Variants in DPYD observed in about 807,000 individuals in gnomAD.
DPYD encodes the protein dihydropyrimidine dehydrogenase.
In DPYD, 109 loss-of-function variants were observed where a neutral mutation model predicts 116.2. The ratio of observed to expected loss-of-function variants is 0.94; its 90% CI spans 0.80 to 1.10. The LOEUF (loss-of-function observed/expected upper bound fraction) is 1.10, where lower values mean the gene tolerates loss of function less well. Ranked by LOEUF, DPYD falls within the 50% of genes least tolerant of loss-of-function variation. The pLI is 0.00. For missense variants in DPYD, 1,302 were observed against 1,254.5 expected (o/e 1.04, Z -0.57); for synonymous variants, 440 against 432.0 (o/e 1.02, Z -0.23).
chr1:97,803,039 C>T (rs1305886220), intron 3 of DPYD, among the ~76,000 whole-genome samples: 1 of 151,802 alleles, frequency 6.6e-6, no homozygotes, highest in Non-Finnish European at 1.5e-5. Flanking sequence ...AACATATTCT[C>T]TCAAACTGAA....
chr1:97,776,344 T>C (rs1315570451), intron 3 of DPYD, among the ~76,000 whole-genome samples: 1 of 152,196 alleles, frequency 6.6e-6, no homozygotes, highest in East Asian at 1.9e-4. Flanking sequence ...TCATGAACTG[T>C]GCTGAAGTCC....
chr1:97,901,902 T>C (rs1405109737), intron 1 of DPYD, among the ~76,000 whole-genome samples: 1 of 151,828 alleles, frequency 6.6e-6, no homozygotes, highest in Non-Finnish European at 1.5e-5. Flanking sequence ...GTAATGCTAC[T>C]TCCATTAAAA....
chr1:97,239,079 G>GA (rs1490945471), intron 18 of DPYD, among the ~76,000 whole-genome samples: 1 of 152,130 alleles, frequency 6.6e-6, no homozygotes, highest in Non-Finnish European at 1.5e-5. Flanking sequence ...TGGTGGACTA[G>GA]ACTGAACTGT....
At chr1:97,851,710 GAA>G (rs67006071) in intron 2 of DPYD, among the ~76,000 whole-genome samples, 61 of 143,776 alleles carry the variant, frequency 4.2e-4, no homozygotes, top group Middle Eastern at 3.5e-3. Flanking sequence ...CAGTAGCAAA[GAA>G]AAAAAAAAAA....
intron 18 of DPYD, among the ~76,000 whole-genome samples, chr1:97,287,522 G>T (rs1007589532): frequency 2.0e-5 from 3 of 152,188 alleles, no homozygotes; most frequent in Non-Finnish European, 2.9e-5. Context: ...TCTGTGCCCT[G>T]CCCCCAGAGG....
At chr1:97,504,646 G>T (rs979446464) in intron 13 of DPYD, among the ~76,000 whole-genome samples, 2 of 151,878 alleles carry the variant, frequency 1.3e-5, no homozygotes, top group Admixed American at 1.3e-4. Context: ...CTAAACAAAA[G>T]TATGTCTCCT....
chr1:97,398,865 G>A (rs1673174320), intron 14 of DPYD, among the ~76,000 whole-genome samples: 2 of 152,194 alleles, frequency 1.3e-5, no homozygotes, highest in Non-Finnish European at 2.9e-5. Context: ...CAGATGAGTA[G>A]ATTGCAAAAC....
intron 18 of DPYD, among the ~76,000 whole-genome samples, chr1:97,278,719 G>T (rs1460333875): frequency 6.6e-6 from 1 of 152,172 alleles, no homozygotes; most frequent in Non-Finnish European, 1.5e-5. Context: ...AAAGTTTTCT[G>T]TTATGTAGTA....
chr1:97,393,447 C>T (rs1284469195), intron 14 of DPYD, among the ~76,000 whole-genome samples: 7 of 151,892 alleles, frequency 4.6e-5, no homozygotes, highest in Non-Finnish European at 7.4e-5. Context: ...TCCCCACTCC[C>T]CCCACCCCAC....
At chr1:97,438,760 G>A (rs1160706204) in intron 14 of DPYD, among the ~76,000 whole-genome samples, 3 of 151,916 alleles carry the variant, frequency 2.0e-5, no homozygotes, top group Admixed American at 6.6e-5. Flanking sequence ...GACTGTTCCT[G>A]TAAATTAAGT....
intron 20 of DPYD, among the ~76,000 whole-genome samples, chr1:97,188,405 TAAA>T (rs1658143649): frequency 6.6e-6 from 1 of 152,178 alleles, no homozygotes; most frequent in East Asian, 1.9e-4. Flanking sequence ...TTTTTCCTCC[TAAA>T]TAAGGACACA....
intron 13 of DPYD, among the ~76,000 whole-genome samples, chr1:97,475,598 G>A (rs1457531996): frequency 6.6e-6 from 1 of 152,092 alleles, no homozygotes; most frequent in Non-Finnish European, 1.5e-5. Flanking sequence ...TTTGTAAAGA[G>A]CCATTTAGCA....
At chr1:97,526,823 C>T (rs998743829) in intron 12 of DPYD, among the ~76,000 whole-genome samples, 1 of 152,144 alleles carries the variant, frequency 6.6e-6, no homozygotes, top group African/African-American at 2.4e-5. Flanking sequence ...AAAAATAGGA[C>T]AGTTAAAATG....
intron 14 of DPYD, among the ~76,000 whole-genome samples, chr1:97,440,873 C>T (rs930469427): frequency 5.9e-5 from 9 of 152,276 alleles, no homozygotes; most frequent in South Asian, 2.1e-4. Flanking sequence ...TTTAACATTA[C>T]GCAGTGTAGA....
At chr1:97,132,568 T>G (rs1394294207) in intron 20 of DPYD, among the ~76,000 whole-genome samples, 2 of 152,148 alleles carry the variant, frequency 1.3e-5, no homozygotes, top group African/African-American at 2.4e-5. Context: ...CAACAACTAC[T>G]ACATAAATTT....
At chr1:97,424,171 T>A (rs1674739140) in intron 14 of DPYD, among the ~76,000 whole-genome samples, 1 of 152,192 alleles carries the variant, frequency 6.6e-6, no homozygotes, top group South Asian at 2.1e-4. Context: ...AAAATGATTA[T>A]CTTGAAAGCT....
intron 12 of DPYD, among the ~76,000 whole-genome samples, chr1:97,521,443 C>T (rs1480101202): frequency 1.4e-4 from 22 of 151,754 alleles, no homozygotes; most frequent in African/African-American, 1.9e-4. Context: ...AACATTTCCA[C>T]GGATAGGAAG....
chr1:97,365,507 T>C (rs1670984328), intron 16 of DPYD, among the ~76,000 whole-genome samples: 1 of 152,344 alleles, frequency 6.6e-6, no homozygotes, highest in Non-Finnish European at 1.5e-5. Context: ...AATTCTGCTA[T>C]ATTTCTCAAA....
intron 13 of DPYD, among the ~76,000 whole-genome samples, chr1:97,498,228 G>T (rs1234449477): frequency 6.6e-6 from 1 of 151,562 alleles, no homozygotes; most frequent in Non-Finnish European, 1.5e-5. Flanking sequence ...GAAATGTTTT[G>T]AAATTAGATA....
Sources: allele counts gnomAD v4.1 joint callset (sites outside exome capture counted in the v4.1 genomes callset), GRCh38; gene constraint gnomAD v4.1.1; transcripts MANE v1.5; gene names NCBI Gene and HGNC (gene_info 2026-07-23, HGNC 2026-07-21).